The following CACNA1F variants were observed in gnomAD, a reference collection of about 807,000 sequenced individuals.
CACNA1F encodes voltage-dependent L-type calcium channel subunit alpha-1F.
Under a neutral mutation model 143.8 loss-of-function variants are expected in CACNA1F, and 59 were observed. The ratio of observed to expected loss-of-function variants is 0.41; its 90% CI spans 0.33 to 0.51. The LOEUF (loss-of-function observed/expected upper bound fraction) is 0.51, where lower values mean the gene tolerates loss of function less well. CACNA1F is among the 20% of genes least tolerant of loss of function. CACNA1F has a pLI of 0.22. For synonymous variants in CACNA1F, 643 were observed against 649.1 expected, an observed-to-expected ratio of 0.99 and a Z score of 0.14; for missense variants, 1,411 against 1,647.5, an observed-to-expected ratio of 0.86 and a Z score of 2.48.
At chrX:49,212,331 C>T (rs1557106448) in intron 33 of CACNA1F, 23 bp from the exon 34 acceptor site, 2 of 1,123,261 alleles carry the variant, frequency 1.8e-6, no homozygotes, top group Non-Finnish European at 2.4e-6. Flanking sequence ...GGGAGGGGGG[C>T]AGAGAATAGA....
chrX:49,222,863 G>A, intron 15 of CACNA1F, 25 bp from the exon 16 acceptor site: 2 of 1,211,307 alleles, frequency 1.7e-6, no homozygotes, highest in Non-Finnish European at 2.2e-6. Flanking sequence ...TCACTGTGGA[G>A]CTCTTGGACC....
intron 27 of CACNA1F, among the ~76,000 whole-genome samples, chrX:49,215,939 CA>C (rs1279606253): frequency 2.8e-5 from 3 of 108,895 alleles, no homozygotes; most frequent in Non-Finnish European, 5.7e-5. Flanking sequence ...ATCCCTGTCC[CA>C]TCAACTTGAA....
In CACNA1F at chrX:49,212,777, G is replaced by A. The variant is rs781903207; in HGVS notation, c.3832C>T (p.Arg1278Cys). 3.1e-5 allele frequency: 38 copies of A among 1,208,264 alleles called. No homozygotes were observed. The highest frequency in any genetic ancestry group is 8.9e-5 in the South Asian group (5 of 56,481). The change falls in exon 33 of 48, where the codon CGC (arginine) becomes TGC (cysteine). Residue 1278 changes from arginine (R) to cysteine (C), a missense_variant. By Grantham distance (180) the Arg-to-Cys change is radical (BLOSUM62 -3). Transcript: ENST00000323022. ...AGGCGAAAGAAGGTAATGGAAATGC[G>A]GGAGCTGTCCTCAGAGCTCTGGGGT... ...HLGESSEDSS[R>C]ISITFFRLFR...
At chrX:49,208,419 T>TCCCCCCCCC in intron 43 of CACNA1F, 96 bp downstream of exon 43, 6 of 175,994 alleles carry the variant, frequency 3.4e-5, no homozygotes, top group Non-Finnish European at 6.5e-5. Flanking sequence ...AGGCCCTCCC[T>TCCCCCCCCC]CCCACCCCCC....
intron 27 of CACNA1F, among the ~76,000 whole-genome samples, chrX:49,216,085 C>T (rs1378278310): frequency 9.1e-6 from 1 of 110,462 alleles, no homozygotes; most frequent in Non-Finnish European, 1.9e-5. Flanking sequence ...CTCTGTCCCC[C>T]CAAACCATCT....
intron 26 of CACNA1F, among the ~76,000 whole-genome samples, chrX:49,217,331 T>C (rs1442023808): frequency 8.9e-6 from 1 of 112,952 alleles, no homozygotes; most frequent in African/African-American, 3.2e-5. Context: ...CATTTACTCT[T>C]CACAACAGCC....
chrX:49,218,240 C>A, intron 24 of CACNA1F, among the ~76,000 whole-genome samples: 1 of 112,077 alleles, frequency 8.9e-6, no homozygotes, highest in East Asian at 2.8e-4. Context: ...TGTCAGGGAG[C>A]TGGGTCTGAG....
At position 49,214,244 on chromosome X, in the gene CACNA1F, T is replaced by C. The variant is rs1396053903; in HGVS notation, c.3623A>G (p.Asn1208Ser). 8.4e-7 allele frequency: 1 copy of C among 1,186,707 alleles called. No homozygotes were observed. Among genetic ancestry groups the C allele is most frequent in the Non-Finnish European group, 1.1e-6 (1 of 872,536 alleles). Reference protein sequence around the residue: ...MQHYEQTAPFNYAMDILNMVF... With the variant: ...MQHYEQTAPFSYAMDILNMVF... The stretch of plus-strand genomic sequence containing the variant: ...CATGTTGAGGATGTCCATGGCATAG[T>C]TGAAGGGAGCAGTCTGCTCATAGTG... The change falls in exon 30 of 48, where the codon AAC becomes AGC. Residue 1208 changes from asparagine (N) to serine (S), a missense_variant. Physicochemically the swap from Asn to Ser is conservative, Grantham distance 46. Coordinates refer to ENST00000323022, the MANE Select transcript of CACNA1F (RefSeq NM_001256789.3).
chrX:49,215,416 C>T lies in CACNA1F; in HGVS notation c.3364G>A (p.Val1122Met), dbSNP rs1406617421. Residue 1122 changes from valine to methionine, a missense_variant, in exon 28 of 48, where the codon GTG becomes ATG. Physicochemically the swap from Val to Met is conservative, Grantham distance 21. Transcript: ENST00000323022. ...CGGAAAGTGATGATGACGAAGCCCA[C>T]GAAGATGTTCATCATGAAGAACGCA... is the stretch of plus-strand genomic sequence containing the variant. Reference protein sequence around the residue: ...IIAFFMMNIFVGFVIITFRAQ... With the variant: ...IIAFFMMNIFMGFVIITFRAQ... 11 of 1,206,910 alleles carry T rather than the reference C, an allele frequency of 9.1e-6. No homozygotes were observed. Among genetic ancestry groups the T allele is most frequent in the East Asian group, 3.0e-5 (1 of 33,712 alleles).
Position 49,206,911 on chromosome X carries a change from G to T in CACNA1F, c.5232-56C>A, listed in dbSNP as rs1022516252. On this transcript the variant is annotated intron_variant, in intron 44 of 47. Coordinates refer to ENST00000323022, the MANE Select transcript of CACNA1F (RefSeq NM_001256789.3). ...TGGGTCTGGGCCTGGACCTGGGCCTGGGAGATGGGGCACAAACAGTCCTCC... is the reference window on the plus strand; with the variant it reads ...TGGGTCTGGGCCTGGACCTGGGCCTTGGAGATGGGGCACAAACAGTCCTCC... The T allele has an allele frequency of 1.0e-5, 12 of 1,158,408 alleles. No individual in the cohort carries two copies. In the African/African-American group the frequency reaches 1.6e-4, roughly 15 times the overall value.
At chrX:49,227,480 A>G (rs1310794499) in intron 8 of CACNA1F, among the ~76,000 whole-genome samples, 2 of 111,266 alleles carry the variant, frequency 1.8e-5, no homozygotes, top group African/African-American at 6.5e-5. Flanking sequence ...GTGCGCCACC[A>G]TGCCCAGCTA....
chrX:49,209,930 G>A lies in CACNA1F; in HGVS notation c.4690+11C>T. On this transcript the variant is annotated intron_variant, in intron 40 of 47. Transcript: ENST00000323022. ...GGGCTGGCGCGGGGAACTGGGGCGG[G>A]GATAGCTCACCGTCTGGTGGGGGGA... 11 of 1,173,765 alleles carry A rather than the reference G, an allele frequency of 9.4e-6. No homozygotes were observed. The highest frequency in any genetic ancestry group is 1.3e-5 in the Non-Finnish European group (11 of 860,849).
rs1225763575 is a variant in CACNA1F, at chrX:49,214,942, G to A, written c.3597+144C>T. The A allele has an allele frequency of 1.3e-5, 7 of 537,577 alleles. No individual in the cohort carries two copies. In the Admixed American group the frequency reaches 1.4e-4, roughly 10 times the overall value. 44.3% of individuals were successfully genotyped at this position (537,577 alleles called of 1,213,427 possible). On this transcript the variant is annotated intron_variant, in intron 29 of 47. Transcript: ENST00000323022. The stretch of plus-strand genomic sequence containing the variant: ...ACTGGCCATAGACTTAAAGAAATGT[G>A]GCAAATGTCTTTATAGCTTAAGTTG...
At chrX:49,208,819 A>G in intron 42 of CACNA1F, 135 bp from the exon 43 acceptor site, 2 of 531,632 alleles carry the variant, frequency 3.8e-6, no homozygotes, top group Admixed American at 5.4e-5. Context: ...AAATAAATAA[A>G]TACGTAAATA....
In CACNA1F at chrX:49,226,061, A is replaced by C; in HGVS notation, c.1499T>G (p.Leu500Arg). ...CCGAAGGACCCGGTTGGCTCGGCGG[A>C]GGCGGCGGCTGGGGGAAGGGGAGCC... ...KIMKTRVCRR[L>R]RRANRVLRAR... Residue 500 changes from leucine (L) to arginine (R), a missense_variant, in exon 13 of 48, where the codon CTC becomes CGC. Transcript: ENST00000323022. 3 of 1,190,677 alleles carry C rather than the reference A, an allele frequency of 2.5e-6. No individual in the cohort carries two copies. The highest frequency in any genetic ancestry group is 3.4e-6 in the Non-Finnish European group (3 of 884,838).
rs2065893556 is a variant in CACNA1F, at chrX:49,233,231, C to T, written c.25+54G>A. The T allele has an allele frequency of 4.2e-6, 5 of 1,194,837 alleles. No homozygotes were observed. The African/African-American group carries it at 7.0e-5, about 17-fold the overall frequency. On this transcript the variant is annotated intron_variant, in intron 1 of 47. Coordinates refer to ENST00000323022, the MANE Select transcript of CACNA1F (RefSeq NM_001256789.3). ...GGGTCTGGGTGGGCAATGGGTGGGT[C>T]AGAGGGGCTCTACCTTGCTCCAAGG...
intron 27 of CACNA1F, among the ~76,000 whole-genome samples, chrX:49,215,763 C>T (rs782753410): frequency 2.5e-4 from 27 of 109,814 alleles, no homozygotes; most frequent in Admixed American, 6.8e-4. Flanking sequence ...GTCCCATGCC[C>T]TCAGAAACCC....
intron 47 of CACNA1F, 27 bp from the exon 48 acceptor site, chrX:49,205,394 G>A (rs1557104595): frequency 9.4e-7 from 1 of 1,059,591 alleles, no homozygotes; most frequent in Non-Finnish European, 1.3e-6. Context: ...GATCAGTGTT[G>A]ACGGACGGCA....
In CACNA1F at chrX:49,226,025, C is replaced by A. The variant is rs146847449; in HGVS notation, c.1535G>T (p.Arg512Leu). Residue 512 changes from arginine to leucine, a missense_variant, in exon 13 of 48, where the codon CGT becomes CTT. Arg to Leu is a moderately radical substitution (Grantham distance 102). This residue lies in a region of CACNA1F where 950 missense variants were observed against 1,128.1 expected (regional missense o/e 0.84). Coordinates refer to ENST00000323022, the MANE Select transcript of CACNA1F (RefSeq NM_001256789.3). ...GCAGGCATTGGACTTCACTGCCCGA[C>A]GGCAGCGTGCCCGAAGGACCCGGTT... ...RANRVLRARC[R>L]RAVKSNACYW... 8 of 1,186,442 alleles carry A rather than the reference C, an allele frequency of 6.7e-6. No individual in the cohort carries two copies. In the Admixed American group the frequency reaches 9.5e-5, roughly 14 times the overall value.
Sources: gnomAD v4.1 joint callset for allele counts (sites outside exome capture counted in the v4.1 genomes callset) on GRCh38, gnomAD v4.1.1 for gene constraint, gnomAD v4.1.1 regional missense constraint, MANE v1.5 for transcripts, NCBI Gene and HGNC (gene_info 2026-07-23, HGNC 2026-07-21) for gene names.